Variants in HDGF observed in about 807,000 individuals in gnomAD.
The protein encoded by HDGF is heparin binding growth factor.
A neutral mutation model predicts 30.0 loss-of-function variants in HDGF; 5 were observed. The ratio of observed to expected loss-of-function variants is 0.17; its 90% CI spans 0.09 to 0.35. The LOEUF (loss-of-function observed/expected upper bound fraction) is 0.35, where lower values mean the gene tolerates loss of function less well. HDGF is among the 10% of genes least tolerant of loss of function. The pLI is 1.00. For synonymous variants in HDGF, 133 were observed against 112.7 expected (o/e 1.18, Z -1.14); for missense variants, 214 against 302.8 (o/e 0.71, Z 2.18).
chr1:156,757,538 A>G (rs1389390769), intron 2 of HDGF, among the ~76,000 whole-genome samples: 2 of 152,018 alleles, frequency 1.3e-5, no homozygotes, highest in Non-Finnish European at 2.9e-5. Flanking sequence ...CACACCTGTA[A>G]TCCCAGCACT....
rs566825660 is a variant in HDGF at position 156,743,374 on chromosome 1, G to A, written c.*75C>T. 6 of 1,450,652 alleles carry A rather than the reference G, an allele frequency of 4.1e-6. No homozygotes were observed. The East Asian group carries it at 1.2e-4, about 29-fold the overall frequency. 89.9% of individuals were successfully genotyped at this position (1,450,652 alleles called of 1,614,324 possible). ...TGGGAAAGGGGTTCCCAGTTTGCAG[G>A]CCATGGCCAGTTTCCCCAGTAGCAC... On this transcript the variant is annotated 3_prime_UTR_variant, in exon 6 of 6. Transcript: ENST00000357325.
intron 2 of HDGF, 73 bp from the exon 3 acceptor site, chr1:156,745,219 G>A: frequency 6.2e-7 from 1 of 1,609,364 alleles, no homozygotes; most frequent in East Asian, 2.2e-5. Flanking sequence ...CATGAAAGGG[G>A]CACCAACACC....
At chr1:156,745,456 T>G in intron 1 of HDGF, 83 bp from the exon 2 acceptor site, 1 of 1,180,498 alleles carries the variant, frequency 8.5e-7, no homozygotes, top group Non-Finnish European at 1.2e-6. Context: ...CAAGGCACAT[T>G]TATATAAAAT....
upstream of HDGF, among the ~76,000 whole-genome samples, chr1:156,754,553 C>T (rs1033379699): frequency 1.3e-5 from 2 of 152,204 alleles, no homozygotes; most frequent in African/African-American, 2.4e-5. Context: ...GTTACACAGG[C>T]GGGCATAAGC....
At chr1:156,752,200 G>T (rs1651028177), upstream of HDGF, 2 of 1,551,776 alleles carry the variant, frequency 1.3e-6, no homozygotes, top group Middle Eastern at 1.7e-4. Context: ...CCGCGCACTG[G>T]GGTCCTCTCT....
chr1:156,750,714 G>A (rs1263972873), intron 1 of HDGF: 1 of 152,300 alleles, frequency 6.6e-6, no homozygotes, highest in Admixed American at 6.5e-5. Context: ...GGGTTCTGAC[G>A]GATAATTTCC....
intron 1 of HDGF, among the ~76,000 whole-genome samples, chr1:156,760,399 T>A (rs1441374751): frequency 1.3e-5 from 2 of 152,184 alleles, no homozygotes; most frequent in African/African-American, 2.4e-5. Flanking sequence ...GCCCTGCCTC[T>A]CAGGGTAGAG....
intron 1 of HDGF, among the ~76,000 whole-genome samples, 163 bp from the exon 2 acceptor site, chr1:156,745,536 C>T (rs1650471305): frequency 6.6e-6 from 1 of 152,138 alleles, no homozygotes; most frequent in Non-Finnish European, 1.5e-5. Flanking sequence ...ACACTTTATT[C>T]AAATGAAGTC....
chr1:156,755,787 G>C (rs1651145778), upstream of HDGF: 1 of 152,212 alleles, frequency 6.6e-6, no homozygotes, highest in Non-Finnish European at 1.5e-5. Context: ...TGTGCATTCT[G>C]TGTGGAGTCA....
At chr1:156,765,497 T>A (rs1467674051) in intron 1 of HDGF, among the ~76,000 whole-genome samples, 1 of 111,710 alleles carries the variant, frequency 9.0e-6, no homozygotes, top group African/African-American at 3.1e-5. Context: ...TTTTTTGAGA[T>A]GGAGTCTTGC....
rs765803425 is a variant in HDGF at position 156,743,447 on chromosome 1, G to A, written c.*2C>T. On this transcript the variant is annotated 3_prime_UTR_variant, in exon 6 of 6. Transcript: ENST00000357325. ...TGGGGGCTCCTCTTGAAACATTGGT[G>A]GCTACAGGCTGTGAGGGAGGGTTGG... The A allele has an allele frequency of 4.0e-6, 6 of 1,515,668 alleles. No homozygotes were observed. The highest frequency in any genetic ancestry group is 2.6e-6 in the Non-Finnish European group (3 of 1,133,514). 93.9% of individuals were successfully genotyped at this position (1,515,668 alleles called of 1,614,324 possible).
At chr1:156,748,755 G>A (rs1650765855) in intron 1 of HDGF, among the ~76,000 whole-genome samples, 1 of 152,180 alleles carries the variant, frequency 6.6e-6, no homozygotes, top group South Asian at 2.1e-4. Context: ...AGCACACACT[G>A]GCTACCAGCC....
rs1650255983 is a variant in HDGF, at chr1:156,743,242, T to C, written c.*207A>G. The C allele has an allele frequency of 1.9e-6, 1 of 523,292 alleles. No individual in the cohort carries two copies. The highest frequency in any genetic ancestry group is 3.4e-6 in the Non-Finnish European group (1 of 294,298). 32.4% of individuals were successfully genotyped at this position (523,292 alleles called of 1,614,324 possible). ...ATGGCTCTGACTCAGATCATAGGAG[T>C]ATGGGGACCTAGAGGTGAGAGCCAG... On this transcript the variant is annotated 3_prime_UTR_variant, in exon 6 of 6. Coordinates refer to ENST00000357325, the MANE Select transcript of HDGF (RefSeq NM_004494.3).
At chr1:156,752,035 C>G, upstream of HDGF, 3 of 1,550,854 alleles carry the variant, frequency 1.9e-6, no homozygotes, top group Non-Finnish European at 2.6e-6. Flanking sequence ...GCGGAGCGCT[C>G]ACCACCGCGG....
At chr1:156,758,604 T>TAAAAAG (rs369799205) in intron 2 of HDGF, among the ~76,000 whole-genome samples, 1 of 96,450 alleles carries the variant, frequency 1.0e-5, no homozygotes, top group African/African-American at 3.8e-5. Context: ...AAAAAAAAAA[T>TAAAAAG]AAATAAATAA....
In HDGF at chr1:156,742,506, A is replaced by C. The variant is rs1650192685; in HGVS notation, c.*943T>G. The C allele has an allele frequency of 6.6e-6, 1 of 152,618 alleles. No individual in the cohort carries two copies. 9.5% of individuals were successfully genotyped at this position (152,618 alleles called of 1,614,324 possible). On this transcript the variant is annotated 3_prime_UTR_variant, in exon 6 of 6. Transcript: ENST00000357325. Reference sequence around the variant, plus strand: ...AAGGAGCAGAATGGAGAGCACACAAAGGGTTAGGGGTCTTTAAAATTTTTT... The same window carrying C: ...AAGGAGCAGAATGGAGAGCACACAACGGGTTAGGGGTCTTTAAAATTTTTT...
At chr1:156,748,985 T>G (rs895323757) in intron 1 of HDGF, among the ~76,000 whole-genome samples, 2 of 152,124 alleles carry the variant, frequency 1.3e-5, no homozygotes, top group African/African-American at 4.8e-5. Flanking sequence ...CAGAAAGGGA[T>G]CAGGGGGGAA....
chr1:156,763,098 T>C (rs1651279171), intron 1 of HDGF, among the ~76,000 whole-genome samples: 3 of 152,164 alleles, frequency 2.0e-5, no homozygotes, highest in African/African-American at 7.2e-5. Context: ...TCTCCATCAT[T>C]GTGGGTTTAA....
chr1:156,751,786 C>G (rs1415676316), upstream of HDGF: 2 of 1,184,742 alleles, frequency 1.7e-6, no homozygotes, highest in Non-Finnish European at 2.1e-6. The surrounding 1 kb of genome is among the most constrained non-coding windows in gnomAD (Gnocchi z 4.7). Context: ...CCCCCGCCCC[C>G]CAACCTCGCG....
Sources: allele counts gnomAD v4.1 joint callset (sites outside exome capture counted in the v4.1 genomes callset), GRCh38; gene constraint gnomAD v4.1.1; non-coding constraint Gnocchi (gnomAD v3.1); transcripts MANE v1.5; gene names NCBI Gene and HGNC (gene_info 2026-07-23, HGNC 2026-07-21).